The following FHIT variants were observed in gnomAD, a reference collection of about 807,000 sequenced individuals.
The protein encoded by FHIT is bis(5'-adenosyl)-triphosphatase.
In FHIT, 19 loss-of-function variants were observed where a neutral mutation model predicts 17.9. The ratio of observed to expected loss-of-function variants is 1.06; its 90% CI spans 0.74 to 1.56. The LOEUF is 1.56. FHIT is among the 40% of genes most tolerant of loss of function. The pLI is 0.00. For synonymous variants in FHIT, 81 were observed against 69.7 expected (o/e 1.16, Z -0.81); for missense variants, 248 against 189.2 (o/e 1.31, Z -1.82).
chr3:60,296,708 TCCAAGAACCCTTTGCCTAGACATAGATC>T (rs1218198951), intron 5 of FHIT, among the ~76,000 whole-genome samples: 1 of 152,038 alleles, frequency 6.6e-6, no homozygotes, highest in Non-Finnish European at 1.5e-5. Context: ...TGATGCCAAG[TCCAAGAACCCTTTGCCTAGACATAGATC>T]CCAATGACTT....
At chr3:59,756,431 T>C (rs1701222537) in intron 8 of FHIT, among the ~76,000 whole-genome samples, 1 of 152,136 alleles carries the variant, frequency 6.6e-6, no homozygotes, top group Non-Finnish European at 1.5e-5. Flanking sequence ...TAAAAGAATG[T>C]GGTGGAGGTC....
At chr3:60,722,954 C>G (rs2041841353) in intron 4 of FHIT, among the ~76,000 whole-genome samples, 1 of 152,100 alleles carries the variant, frequency 6.6e-6, no homozygotes, top group South Asian at 2.1e-4. Flanking sequence ...CTCCTGACCT[C>G]AAGTGATTTG....
chr3:59,794,551 C>T (rs925011113), intron 8 of FHIT, among the ~76,000 whole-genome samples: 5 of 152,214 alleles, frequency 3.3e-5, no homozygotes, highest in African/African-American at 1.2e-4. Flanking sequence ...GCTTTATATG[C>T]ACCTTTATAT....
intron 8 of FHIT, among the ~76,000 whole-genome samples, chr3:59,840,204 C>T (rs1215210817): frequency 6.6e-6 from 1 of 152,002 alleles, no homozygotes; most frequent in Non-Finnish European, 1.5e-5. Context: ...TGCAGATTCC[C>T]CATCATTCCC....
intron 5 of FHIT, among the ~76,000 whole-genome samples, chr3:60,114,382 C>T (rs1224812622): frequency 6.6e-6 from 1 of 150,824 alleles, no homozygotes; most frequent in Non-Finnish European, 1.5e-5. Context: ...TCTTCCCTGG[C>T]TCTGTCTGAA....
intron 5 of FHIT, among the ~76,000 whole-genome samples, chr3:60,092,031 C>T (rs1703754684): frequency 6.6e-6 from 1 of 152,174 alleles, no homozygotes; most frequent in African/African-American, 2.4e-5. Flanking sequence ...TACCCACAGG[C>T]TCCACTACTG....
chr3:60,040,584 AGCC>A (rs1701397314), intron 5 of FHIT, among the ~76,000 whole-genome samples: 1 of 152,062 alleles, frequency 6.6e-6, no homozygotes, highest in Non-Finnish European at 1.5e-5. Flanking sequence ...CCTTCTCCCA[AGCC>A]TGGTTCTGGC....
chr3:60,255,353 C>T (rs888863756), intron 5 of FHIT, among the ~76,000 whole-genome samples: 2 of 152,092 alleles, frequency 1.3e-5, no homozygotes, highest in African/African-American at 2.4e-5. Context: ...TCCAAACCTT[C>T]GACAATAACT....
intron 2 of FHIT, among the ~76,000 whole-genome samples, chr3:61,052,459 A>C (rs11130815): frequency 0.55 from 83,927 of 152,050 alleles, 25,990 homozygotes; most frequent in East Asian, 0.79. Flanking sequence ...ACCTAAATAC[A>C]CAAGTGTTAC....
At chr3:60,729,480 C>G (rs1553710578) in intron 4 of FHIT, among the ~76,000 whole-genome samples, 1 of 152,126 alleles carries the variant, frequency 6.6e-6, no homozygotes, top group African/African-American at 2.4e-5. Flanking sequence ...CAAGTCTTAC[C>G]TTTAAAAGCA....
chr3:59,853,606 A>T (rs1336517027), intron 8 of FHIT, among the ~76,000 whole-genome samples: 3 of 152,202 alleles, frequency 2.0e-5, no homozygotes, highest in Non-Finnish European at 2.9e-5. Context: ...TGATGTTTTA[A>T]ATTAAGAAGT....
intron 7 of FHIT, among the ~76,000 whole-genome samples, chr3:59,965,208 C>A (rs1385381433): frequency 6.6e-6 from 1 of 152,036 alleles, no homozygotes; most frequent in Non-Finnish European, 1.5e-5. Flanking sequence ...ATTTGTAGGG[C>A]TTTAAATTGT....
intron 5 of FHIT, among the ~76,000 whole-genome samples, chr3:60,447,797 G>A (rs2031446480): frequency 6.6e-6 from 1 of 152,126 alleles, no homozygotes; most frequent in African/African-American, 2.4e-5. Context: ...TTTAAATGGG[G>A]ACACTATCCA....
At chr3:61,196,474 A>G (rs958057424) in intron 2 of FHIT, among the ~76,000 whole-genome samples, 6 of 152,302 alleles carry the variant, frequency 3.9e-5, no homozygotes, top group East Asian at 1.9e-4. Flanking sequence ...CAAAATGTCC[A>G]TTTCTTAAAA....
At chr3:59,954,280 G>A (rs144865597) in intron 7 of FHIT, among the ~76,000 whole-genome samples, 375 of 136,582 alleles carry the variant, frequency 2.7e-3, no homozygotes, top group Non-Finnish European at 2.4e-3. Context: ...ATATAGGCCT[G>A]ATTCATTCAG....
At chr3:61,147,641 G>T (rs1212509528) in intron 2 of FHIT, among the ~76,000 whole-genome samples, 1 of 147,914 alleles carries the variant, frequency 6.8e-6, no homozygotes, top group African/African-American at 2.5e-5. Context: ...ATTTATAGAA[G>T]ACTTATAAAT....
intron 5 of FHIT, among the ~76,000 whole-genome samples, chr3:60,250,338 C>T (rs1328202684): frequency 6.6e-6 from 1 of 152,108 alleles, no homozygotes. Context: ...ATAGTCTGAG[C>T]AATGACTAAA....
At chr3:61,068,996 GA>G (rs2106731074) in intron 2 of FHIT, among the ~76,000 whole-genome samples, 1 of 152,288 alleles carries the variant, frequency 6.6e-6, no homozygotes, top group East Asian at 1.9e-4. Flanking sequence ...TATATTCAGT[GA>G]AATTCTTGGT....
intron 5 of FHIT, among the ~76,000 whole-genome samples, chr3:60,164,594 T>C (rs892288438): frequency 1.4e-5 from 2 of 145,800 alleles, no homozygotes; most frequent in East Asian, 2.3e-4. Flanking sequence ...GCCATCATTA[T>C]TGAAAGTAAT....
Sources: gnomAD v4.1 joint callset for allele counts (sites outside exome capture counted in the v4.1 genomes callset) on GRCh38, gnomAD v4.1.1 for gene constraint, MANE v1.5 for transcripts, NCBI Gene and HGNC (gene_info 2026-07-23, HGNC 2026-07-21) for gene names.